Variants in MARCHF1 observed in about 807,000 individuals in gnomAD.
MARCHF1 encodes the protein E3 ubiquitin-protein ligase MARCHF1.
In MARCHF1, 40 loss-of-function variants were observed where a neutral mutation model predicts 54.2. The observed-to-expected ratio is 0.74, with a 90% CI of 0.57 to 0.96. The LOEUF (loss-of-function observed/expected upper bound fraction) is 0.96, where lower values mean the gene tolerates loss of function less well. Ranked by LOEUF, MARCHF1 falls within the 40% of genes least tolerant of loss-of-function variation. MARCHF1 has a pLI of 0.00. For synonymous variants in MARCHF1, 236 were observed against 236.3 expected (o/e 1.00, Z 0.01); for missense variants, 586 against 656.5 (o/e 0.89, Z 1.17).
rs571450368 is a variant in MARCHF1, at chr4:164,217,406, T to TATTC, written c.-322-105748_-322-105745dup. ...ACAAAGAAAACAAAATGATTCTGTGTATTCATTCATTCATTCATTCATCAA... is the reference window on the plus strand; with the variant it reads ...ACAAAGAAAACAAAATGATTCTGTGTATTCATTCATTCATTCATTCATTCATCAA... On this transcript the variant is annotated intron_variant, in intron 1 of 9. Transcript: ENST00000514618. 2.0e-3 allele frequency among the ~76,000 whole-genome samples: 301 copies of TATTC among 152,312 alleles called. 2 individuals carry two copies. The highest frequency in any genetic ancestry group is 6.6e-3 in the African/African-American group (275 of 41,570).
intron 1 of MARCHF1, among the ~76,000 whole-genome samples, chr4:164,146,589 A>G (rs1334751703): frequency 6.6e-6 from 1 of 152,120 alleles, no homozygotes; most frequent in Non-Finnish European, 1.5e-5. Flanking sequence ...TCCCTATTTA[A>G]TAAATGGTAC....
chr4:163,803,125 G>A (rs1174197660), intron 4 of MARCHF1, among the ~76,000 whole-genome samples: 1 of 152,112 alleles, frequency 6.6e-6, no homozygotes, highest in African/African-American at 2.4e-5. Flanking sequence ...GAAGTTATTT[G>A]TGACTATTTT....
At chr4:163,933,081 T>C in intron 3 of MARCHF1, 1 of 1,473,560 alleles carries the variant, frequency 6.8e-7, no homozygotes, top group South Asian at 1.2e-5. Flanking sequence ...AGAGCTTGCC[T>C]GCACGCTGGC....
intron 4 of MARCHF1, among the ~76,000 whole-genome samples, chr4:163,729,931 A>G (rs1329666555): frequency 6.6e-6 from 1 of 152,092 alleles, no homozygotes; most frequent in Non-Finnish European, 1.5e-5. Context: ...CTTGGAGTTC[A>G]TTTAACATCT....
chr4:163,956,979 T>A (rs1487805817), intron 3 of MARCHF1, among the ~76,000 whole-genome samples: 1 of 152,052 alleles, frequency 6.6e-6, no homozygotes, highest in Non-Finnish European at 1.5e-5. Context: ...ATTAGAATCT[T>A]CAGAAAATGA....
intron 3 of MARCHF1, among the ~76,000 whole-genome samples, chr4:163,986,647 A>G (rs868483866): frequency 6.6e-6 from 1 of 152,190 alleles, no homozygotes; most frequent in African/African-American, 2.4e-5. Flanking sequence ...AAACAAAGCT[A>G]TACATGTTTT....
chr4:163,567,146 C>G (rs1346221260), intron 8 of MARCHF1, among the ~76,000 whole-genome samples: 1 of 152,020 alleles, frequency 6.6e-6, no homozygotes, highest in Non-Finnish European at 1.5e-5. Context: ...ACAAAAAATT[C>G]TAGCTACAGC....
At chr4:164,252,148 G>A (rs1020913692) in intron 1 of MARCHF1, among the ~76,000 whole-genome samples, 2 of 152,108 alleles carry the variant, frequency 1.3e-5, no homozygotes. Context: ...CAATTAAAAG[G>A]AGAGTTTAGT....
chr4:163,735,452 GT>G (rs767998497), intron 4 of MARCHF1, among the ~76,000 whole-genome samples: 4 of 152,128 alleles, frequency 2.6e-5, no homozygotes, highest in Non-Finnish European at 4.4e-5. Context: ...GTCTTAGTTG[GT>G]TTGTGTTGCT....
intron 1 of MARCHF1, among the ~76,000 whole-genome samples, chr4:164,213,201 CTTTTAT>C (rs869297745): frequency 1.6e-5 from 2 of 128,330 alleles, no homozygotes; most frequent in South Asian, 4.9e-4. Context: ...TGGGCTTTTA[CTTTTAT>C]TATTATTATT....
chr4:164,383,599 C>T (rs894453623), intron 1 of MARCHF1: 5 of 152,250 alleles, frequency 3.3e-5, no homozygotes, highest in African/African-American at 1.2e-4. Flanking sequence ...TAGCAACTAC[C>T]CCAGGCTGCG....
At chr4:163,588,377 T>C (rs138378562) in intron 7 of MARCHF1, among the ~76,000 whole-genome samples, 1 of 152,338 alleles carries the variant, frequency 6.6e-6, no homozygotes, top group African/African-American at 2.4e-5. Context: ...TTTAGTGTCA[T>C]AGCATAGATG....
At chr4:163,832,909 A>T (rs1749072105) in intron 4 of MARCHF1, among the ~76,000 whole-genome samples, 3 of 152,016 alleles carry the variant, frequency 2.0e-5, no homozygotes, top group Non-Finnish European at 4.4e-5. Context: ...GTCCCTACAA[A>T]GGACATGAAT....
At chr4:164,326,045 C>G (rs7674349) in intron 1 of MARCHF1, among the ~76,000 whole-genome samples, 5,796 of 152,170 alleles carry the variant, frequency 0.038, 229 homozygotes, top group East Asian at 0.12. Flanking sequence ...TTTCTTAATA[C>G]TAAAATATTC....
intron 1 of MARCHF1, among the ~76,000 whole-genome samples, chr4:164,257,610 A>T (rs1381015209): frequency 1.3e-5 from 2 of 151,914 alleles, no homozygotes; most frequent in African/African-American, 4.8e-5. Flanking sequence ...AATATATAAC[A>T]TATGATATAT....
At chr4:164,202,024 T>C (rs1164195514) in intron 1 of MARCHF1, among the ~76,000 whole-genome samples, 1 of 152,224 alleles carries the variant, frequency 6.6e-6, no homozygotes, top group African/African-American at 2.4e-5. Context: ...TCTAGGGCTA[T>C]AGTAGCGAAT....
intron 4 of MARCHF1, among the ~76,000 whole-genome samples, chr4:163,812,915 G>T (rs1352955085): frequency 1.3e-5 from 2 of 152,194 alleles, no homozygotes; most frequent in African/African-American, 2.4e-5. Context: ...ATAGGACAAT[G>T]CTACCAGTGA....
chr4:163,843,637 C>T (rs887325878), intron 4 of MARCHF1, among the ~76,000 whole-genome samples: 5 of 152,068 alleles, frequency 3.3e-5, no homozygotes, highest in African/African-American at 1.2e-4. Flanking sequence ...ATCAACCCAT[C>T]ACTTAGGTAT....
chr4:163,599,579 T>A (rs1432158568), intron 7 of MARCHF1, among the ~76,000 whole-genome samples: 12 of 152,184 alleles, frequency 7.9e-5, no homozygotes, highest in Non-Finnish European at 1.5e-5. Flanking sequence ...CCTAAAGCCC[T>A]ATACCTATCC....
Sources: allele counts gnomAD v4.1 joint callset (sites outside exome capture counted in the v4.1 genomes callset), GRCh38; gene constraint gnomAD v4.1.1; transcripts MANE v1.5; gene names NCBI Gene and HGNC (gene_info 2026-07-23, HGNC 2026-07-21).